The following PPP2R3B variants were observed in gnomAD, a reference collection of about 807,000 sequenced individuals.
The protein encoded by PPP2R3B is protein phosphatase 2 regulatory subunit B''beta, also known as serine/threonine-protein phosphatase 2A regulatory subunit B'' subunit beta.
Under a neutral mutation model 72.9 loss-of-function variants are expected in PPP2R3B, and 68 were observed. The ratio of observed to expected loss-of-function variants is 0.93; its 90% CI spans 0.77 to 1.14. PPP2R3B has a LOEUF of 1.14. Ranked by LOEUF, PPP2R3B falls within the 50% of genes most tolerant of loss-of-function variation. The pLI, the probability that PPP2R3B is intolerant of heterozygous loss-of-function variation, is 0.00. For synonymous variants in PPP2R3B, 466 were observed against 375.8 expected (o/e 1.24, Z -2.78); for missense variants, 1,018 against 842.0 (o/e 1.21, Z -2.59).
intron 7 of PPP2R3B, 140 bp downstream of exon 7, chrX:345,374 CAG>C (rs2071177513): frequency 8.5e-7 from 1 of 1,175,984 alleles, no homozygotes; most frequent in Non-Finnish European, 1.2e-6. Flanking sequence ...GCTGCAGACA[CAG>C]AGCGGCGAGT....
intron 8 of PPP2R3B, chrX:341,599 T>C: frequency 1.5e-6 from 1 of 662,010 alleles, no homozygotes; most frequent in Non-Finnish European, 2.7e-6. Context: ...CCAGGCAGGG[T>C]CAGGAGTGCA....
chrX:350,354 G>A (rs1486095869), intron 2 of PPP2R3B, among the ~76,000 whole-genome samples: 2 of 152,190 alleles, frequency 1.3e-5, no homozygotes, highest in African/African-American at 2.4e-5. Flanking sequence ...CGGGCCACAC[G>A]TGCGCTCCCT....
intron 1 of PPP2R3B, among the ~76,000 whole-genome samples, chrX:363,255 A>ACCATCCCACAG (rs2071582246): frequency 2.3e-5 from 3 of 132,176 alleles, no homozygotes; most frequent in African/African-American, 6.6e-5. Flanking sequence ...CCCCGAGCCC[A>ACCATCCCACAG]TGATCCCGCA....
chrX:384,288 A>C (rs960122130), intron 1 of PPP2R3B, among the ~76,000 whole-genome samples: 42 of 148,038 alleles, frequency 2.8e-4, no homozygotes, highest in Middle Eastern at 7.0e-3. Context: ...CTCTCTATAT[A>C]TATATATATA....
In PPP2R3B at chrX:338,900, C is replaced by T. The variant is rs6655399; in HGVS notation, c.1352-4G>A. 0.29 allele frequency: 462,200 copies of T among 1,610,888 alleles called. 68,034 individuals are homozygous for T. The highest frequency in any genetic ancestry group is 0.32 in the Middle Eastern group (1,877 of 5,914). On this transcript the variant is annotated splice_polypyrimidine_tract_variant and splice_region_variant and intron_variant, in intron 10 of 12. Coordinates refer to ENST00000390665, the MANE Select transcript of PPP2R3B (RefSeq NM_013239.5). ...AGGTCCTGCAGCGTGATCTTCCCTG[C>T]GGGGAGGGGAGTGCGTCCAAGGCGC...
At position 347,593 on chromosome X, in the gene PPP2R3B, C is replaced by G; in HGVS notation, c.611G>C (p.Arg204Thr). 1 of 1,574,794 alleles carries G rather than the reference C, an allele frequency of 6.4e-7. No individual in the cohort carries two copies. Among genetic ancestry groups the G allele is most frequent in the Non-Finnish European group, 8.6e-7 (1 of 1,159,688 alleles). Residue 204 changes from arginine (R) to threonine (T), a missense_variant, in exon 3 of 13, where the codon AGA (arginine) becomes ACA (threonine). Arg to Thr is a moderately conservative substitution (Grantham distance 71, BLOSUM62 -1). Coordinates refer to ENST00000390665, the MANE Select transcript of PPP2R3B (RefSeq NM_013239.5). ...VSVHKFVAMW[R>T]KILQNCHDDA... The stretch of plus-strand genomic sequence containing the variant: ...CCCTGCCCAGCCCAGGACTCACTTT[C>G]TCCACATGGCGACGAACTTGTGGAC...
intron 2 of PPP2R3B, among the ~76,000 whole-genome samples, chrX:354,815 G>A (rs1469809889): frequency 6.6e-6 from 1 of 152,192 alleles, no homozygotes; most frequent in Non-Finnish European, 1.5e-5. Context: ...TCATGCCACT[G>A]CACTCCAGCC....
chrX:358,442 C>A (rs1332593752), intron 2 of PPP2R3B, among the ~76,000 whole-genome samples: 1 of 92,354 alleles, frequency 1.1e-5, no homozygotes, highest in Non-Finnish European at 2.5e-5. Flanking sequence ...TGCGTGCAGG[C>A]ACAGTGGGGC....
chrX:385,574 A>T (rs1380214230), intron 1 of PPP2R3B, among the ~76,000 whole-genome samples: 2 of 152,212 alleles, frequency 1.3e-5, no homozygotes, highest in South Asian at 2.1e-4. Context: ...GCTTGGACCC[A>T]GGAATTCCAG....
chrX:345,317 G>A (rs1395113314), intron 7 of PPP2R3B, 199 bp downstream of exon 7: 3 of 790,192 alleles, frequency 3.8e-6, no homozygotes, highest in Non-Finnish European at 6.4e-6. Flanking sequence ...GGGCAGAGGC[G>A]CACGCGGGGA....
At chrX:375,549 C>T (rs1163303692) in intron 1 of PPP2R3B, among the ~76,000 whole-genome samples, 39 of 148,640 alleles carry the variant, frequency 2.6e-4, no homozygotes, top group African/African-American at 9.0e-4. Flanking sequence ...CCGTCACCCA[C>T]GATGCGGGGC....
intron 1 of PPP2R3B, among the ~76,000 whole-genome samples, chrX:378,481 A>G (rs946989737): frequency 3.3e-5 from 5 of 152,218 alleles, no homozygotes; most frequent in Non-Finnish European, 5.9e-5. Context: ...TTTTCTGAAC[A>G]TCCAAAGCTA....
intron 5 of PPP2R3B, chrX:346,461 G>A (rs2071216584): frequency 6.4e-6 from 4 of 629,660 alleles, no homozygotes; most frequent in African/African-American, 3.8e-5. Flanking sequence ...GGCCGGGGAC[G>A]CCCCGGAGCT....
intron 10 of PPP2R3B, 39 bp from the exon 11 acceptor site, chrX:338,935 G>A (rs756006114): frequency 1.3e-6 from 2 of 1,568,692 alleles, no homozygotes; most frequent in Admixed American, 1.7e-5. Context: ...CGTGAGCCCG[G>A]TCTCACCTTC....
At chrX:338,480 A>C (rs2070950489) in intron 12 of PPP2R3B, 124 bp downstream of exon 12, 5 of 960,834 alleles carry the variant, frequency 5.2e-6, no homozygotes, top group African/African-American at 1.7e-5. Flanking sequence ...GTGTCCGCGC[A>C]CCCCACCTGA....
chrX:353,892 CG>C (rs1418718610), intron 2 of PPP2R3B, among the ~76,000 whole-genome samples: 1,173 of 109,090 alleles, frequency 0.011, 212 homozygotes, highest in East Asian at 0.074. Flanking sequence ...ACCCAAAGAC[CG>C]GGGGCTCACC....
intron 1 of PPP2R3B, among the ~76,000 whole-genome samples, chrX:376,284 C>T (rs2071991201): frequency 7.0e-6 from 1 of 142,620 alleles, no homozygotes. Context: ...TGACCTGGAG[C>T]CCTCGAACCA....
rs1353044247 is a variant in PPP2R3B at position 344,383 on chromosome X, C to T, written c.1036+1133G>A. Among the ~76,000 whole-genome samples, 9 of 152,336 alleles carry T rather than the reference C, an allele frequency of 5.9e-5. No individual in the cohort carries two copies. The East Asian group carries it at 1.7e-3, about 29-fold the overall frequency. On this transcript the variant is annotated intron_variant, in intron 7 of 12. Transcript: ENST00000390665. Reference sequence around the variant, plus strand: ...GCACCGTCGCCGTCAGCTTGGGCCACGAGAAGGTCCCGCAGCCTGGGCGGC... The same window carrying T: ...GCACCGTCGCCGTCAGCTTGGGCCATGAGAAGGTCCCGCAGCCTGGGCGGC...
chrX:338,252 C>A, intron 12 of PPP2R3B: 1 of 456,064 alleles, frequency 2.2e-6, no homozygotes, highest in South Asian at 2.4e-5. Context: ...GCCACGGGCC[C>A]TGCAGCCTGC....
Sources: gnomAD v4.1 joint callset for allele counts (sites outside exome capture counted in the v4.1 genomes callset) on GRCh38, gnomAD v4.1.1 for gene constraint, MANE v1.5 for transcripts, NCBI Gene and HGNC (gene_info 2026-07-23, HGNC 2026-07-21) for gene names.